OXR1: variants seen among roughly 807,000 people sequenced by gnomAD.
The protein encoded by OXR1 is oxidation resistance protein 1.
Under a neutral mutation model 104.6 loss-of-function variants are expected in OXR1, and 41 were observed. The observed-to-expected ratio is 0.39, with a 90% CI of 0.31 to 0.51. The LOEUF (loss-of-function observed/expected upper bound fraction) is 0.51. Among genes scored for constraint, OXR1 ranks in the 20% least tolerant of loss-of-function variants. The pLI is 0.77. For missense variants in OXR1, 955 were observed against 1,031.9 expected, an observed-to-expected ratio of 0.93 and a Z score of 1.02; for synonymous variants, 348 against 348.4, an observed-to-expected ratio of 1.00 and a Z score of 0.01.
At chr8:106,393,089 C>G (rs1261392894) in intron 2 of OXR1, among the ~76,000 whole-genome samples, 1 of 152,170 alleles carries the variant, frequency 6.6e-6, no homozygotes. Flanking sequence ...CATATGGTTT[C>G]TGTTTCCTTC....
chr8:106,735,529 T>C (rs1004635565), intron 11 of OXR1, among the ~76,000 whole-genome samples: 3 of 152,104 alleles, frequency 2.0e-5, no homozygotes, highest in Non-Finnish European at 4.4e-5. Context: ...GTTTTTCTTA[T>C]AGTAAATGAA....
intron 2 of OXR1, among the ~76,000 whole-genome samples, chr8:106,388,383 AT>A (rs901630732): frequency 2.0e-5 from 3 of 151,376 alleles, no homozygotes; most frequent in African/African-American, 7.3e-5. Context: ...TACTGCTCTT[AT>A]GCCATTTGTT....
chr8:106,728,125 G>A (rs569791003), intron 11 of OXR1, among the ~76,000 whole-genome samples: 2 of 150,468 alleles, frequency 1.3e-5, no homozygotes, highest in African/African-American at 4.9e-5. Flanking sequence ...AGAAAATTGG[G>A]ATGAAAAGGA....
At chr8:106,398,280 C>T (rs188644336) in intron 2 of OXR1, among the ~76,000 whole-genome samples, 187 of 152,242 alleles carry the variant, frequency 1.2e-3, no homozygotes, top group Non-Finnish European at 2.0e-3. Context: ...TCAGAGTCAC[C>T]TGGGGAACTT....
intron 11 of OXR1, among the ~76,000 whole-genome samples, chr8:106,727,314 CA>C (rs1217813148): frequency 6.6e-6 from 1 of 151,980 alleles, no homozygotes. Context: ...CAAATACAAG[CA>C]AAATAAATTG....
chr8:106,324,979 A>G (rs773388242), intron 1 of OXR1, among the ~76,000 whole-genome samples: 10 of 152,190 alleles, frequency 6.6e-5, no homozygotes, highest in Non-Finnish European at 1.0e-4. Context: ...AAATTTTACA[A>G]TCTTTTCATA....
chr8:106,702,337 C>T (rs1009746515), intron 7 of OXR1, among the ~76,000 whole-genome samples: 1 of 152,096 alleles, frequency 6.6e-6, no homozygotes, highest in Non-Finnish European at 1.5e-5. Context: ...ACACTATATA[C>T]TTTAGATGTC....
chr8:106,674,729 T>C (rs1236435178), intron 3 of OXR1, among the ~76,000 whole-genome samples: 1 of 152,054 alleles, frequency 6.6e-6, no homozygotes, highest in African/African-American at 2.4e-5. Context: ...ATGGGGGTGG[T>C]TTCCCTAATG....
intron 2 of OXR1, among the ~76,000 whole-genome samples, chr8:106,456,695 A>C (rs2130634133): frequency 6.6e-6 from 1 of 152,298 alleles, no homozygotes; most frequent in African/African-American, 2.4e-5. Context: ...ATAACAATAC[A>C]TTGGCAGCTA....
At chr8:106,463,071 C>A (rs1820994699) in intron 2 of OXR1, among the ~76,000 whole-genome samples, 1 of 152,042 alleles carries the variant, frequency 6.6e-6, no homozygotes, top group African/African-American at 2.4e-5. Context: ...TAAGTCACCT[C>A]CACTCTTTTG....
At chr8:106,476,246 A>G (rs1821804722) in intron 2 of OXR1, among the ~76,000 whole-genome samples, 1 of 151,870 alleles carries the variant, frequency 6.6e-6, no homozygotes, top group Non-Finnish European at 1.5e-5. Context: ...GAACTCATGG[A>G]GGTCTGGGTG....
At chr8:106,534,997 C>G (rs977740092) in intron 3 of OXR1, among the ~76,000 whole-genome samples, 1 of 152,138 alleles carries the variant, frequency 6.6e-6, no homozygotes, top group Non-Finnish European at 1.5e-5. Flanking sequence ...GAGTCTCGCT[C>G]TGTCGCCCAG....
chr8:106,618,295 T>C, intron 3 of OXR1: 1 of 874,398 alleles, frequency 1.1e-6, no homozygotes, highest in Non-Finnish European at 1.8e-6. Flanking sequence ...AGATGAGCTG[T>C]ATGGATCTGT....
At chr8:106,471,763 A>G (rs66831434) in intron 2 of OXR1, among the ~76,000 whole-genome samples, 21,313 of 151,898 alleles carry the variant, frequency 0.14, 1,925 homozygotes, top group East Asian at 0.42. Flanking sequence ...ATTTGAAACA[A>G]CAACATAATC....
intron 1 of OXR1, among the ~76,000 whole-genome samples, chr8:106,352,966 T>C (rs1368136118): frequency 6.6e-6 from 1 of 152,342 alleles, no homozygotes; most frequent in East Asian, 1.9e-4. Flanking sequence ...CCCCCTCTTT[T>C]AAAATCTTGT....
chr8:106,641,144 A>C (rs1333019041), intron 3 of OXR1, among the ~76,000 whole-genome samples: 1 of 152,226 alleles, frequency 6.6e-6, no homozygotes, highest in African/African-American at 2.4e-5. Context: ...ACTTTTTTGC[A>C]CACAGCTGTC....
intron 1 of OXR1, among the ~76,000 whole-genome samples, chr8:106,344,629 G>A (rs1488807324): frequency 6.6e-6 from 1 of 152,138 alleles, no homozygotes; most frequent in Admixed American, 6.5e-5. Context: ...GAGCCACTGC[G>A]CCCGGCCAAT....
At chr8:106,739,949 A>G (rs1587303822) in intron 13 of OXR1, among the ~76,000 whole-genome samples, 1 of 152,164 alleles carries the variant, frequency 6.6e-6, no homozygotes, top group African/African-American at 2.4e-5. Flanking sequence ...ACACAGGGAG[A>G]AGTATTAAAG....
At chr8:106,341,940 A>G (rs1586545756) in intron 1 of OXR1, among the ~76,000 whole-genome samples, 1 of 150,554 alleles carries the variant, frequency 6.6e-6, no homozygotes, top group Admixed American at 6.6e-5. Context: ...TAGTGGCTCC[A>G]TTATAGCTCA....
Sources: allele counts gnomAD v4.1 joint callset (sites outside exome capture counted in the v4.1 genomes callset), GRCh38; gene constraint gnomAD v4.1.1; transcripts MANE v1.5; gene names NCBI Gene and HGNC (gene_info 2026-07-23, HGNC 2026-07-21).